Variants in KIF13A observed in about 807,000 individuals in gnomAD.
The protein encoded by KIF13A is kinesin-like protein KIF13A.
In KIF13A, 79 loss-of-function variants were observed where a neutral mutation model predicts 212.2. The observed-to-expected ratio is 0.37, with a 90% CI of 0.31 to 0.45. The LOEUF (loss-of-function observed/expected upper bound fraction) is 0.45, where lower values mean the gene tolerates loss of function less well. Ranked by LOEUF, KIF13A falls within the 20% of genes least tolerant of loss-of-function variation. The pLI, the probability that KIF13A is intolerant of heterozygous loss-of-function variation, is 1.00. For missense variants in KIF13A, 1,901 were observed against 2,209.0 expected (o/e 0.86, Z 2.79); for synonymous variants, 789 against 808.6 (o/e 0.98, Z 0.41).
chr6:17,788,505 C>T (rs544526175), intron 26 of KIF13A, among the ~76,000 whole-genome samples: 56 of 152,286 alleles, frequency 3.7e-4, no homozygotes, highest in Non-Finnish European at 6.9e-4. Flanking sequence ...CCAGGAAGCG[C>T]ACAAACAGCC....
rs1216547371 is a variant in KIF13A, at chr6:17,817,113, G to C, written c.1907C>G (p.Ser636Cys). Reference sequence around the variant, plus strand: ...GCTACTCTGTGGCTGCCTGTCGGGGGAGAGCTGCTGGCGGAGTTGCTCCAG... The same window carrying C: ...GCTACTCTGTGGCTGCCTGTCGGGGCAGAGCTGCTGGCGGAGTTGCTCCAG... ...RELEQLRQQL[S>C]PDRQPQSSGP... Residue 636 changes from serine (S) to cysteine (C), a missense_variant, in exon 17 of 39, where the codon TCC (serine) becomes TGC (cysteine). Physicochemically the swap from Ser to Cys is moderately radical, Grantham distance 112. Transcript: ENST00000259711. 6.2e-7 allele frequency: 1 copy of C among 1,614,014 alleles called. No individual in the cohort carries two copies. Among genetic ancestry groups the C allele is most frequent in the Admixed American group, 1.7e-5 (1 of 60,030 alleles).
intron 18 of KIF13A, among the ~76,000 whole-genome samples, chr6:17,807,907 G>A (rs548744408): frequency 3.9e-5 from 6 of 152,124 alleles, no homozygotes; most frequent in African/African-American, 7.2e-5. Context: ...TATTGTGGGC[G>A]GGTTCCCCTG....
intron 2 of KIF13A, among the ~76,000 whole-genome samples, chr6:17,977,292 A>T (rs1379770236): frequency 6.6e-6 from 1 of 152,146 alleles, no homozygotes; most frequent in Non-Finnish European, 1.5e-5. Context: ...CGTCTCTCAT[A>T]CTTAAATATG....
intron 4 of KIF13A, chr6:17,873,146 A>C (rs1054899104): frequency 2.3e-6 from 1 of 443,800 alleles, no homozygotes. Flanking sequence ...CAAGGAGGTC[A>C]GGTGAACAAT....
At chr6:17,767,159 T>C (rs1759065749) in intron 38 of KIF13A, among the ~76,000 whole-genome samples, 1 of 152,160 alleles carries the variant, frequency 6.6e-6, no homozygotes, top group South Asian at 2.1e-4. Context: ...GGCAGAATGT[T>C]GGAGAAGGAA....
chr6:17,913,251 C>T (rs972314835), intron 2 of KIF13A, among the ~76,000 whole-genome samples: 5 of 152,018 alleles, frequency 3.3e-5, no homozygotes, highest in Non-Finnish European at 7.3e-5. Flanking sequence ...GTAGCTGTTC[C>T]CAGGACGGAT....
chr6:17,908,949 G>A (rs1298233406), intron 2 of KIF13A, among the ~76,000 whole-genome samples: 2 of 152,138 alleles, frequency 1.3e-5, no homozygotes, highest in Non-Finnish European at 2.9e-5. Context: ...GTTGACCTTG[G>A]ACAAGTTTAC....
At chr6:17,932,391 G>A (rs1488524909) in intron 2 of KIF13A, among the ~76,000 whole-genome samples, 1 of 152,158 alleles carries the variant, frequency 6.6e-6, no homozygotes, top group Non-Finnish European at 1.5e-5. Flanking sequence ...CTAAAGCATT[G>A]CTGGCTGAAT....
chr6:17,862,039 C>T (rs1001737101), intron 4 of KIF13A, among the ~76,000 whole-genome samples: 1 of 152,132 alleles, frequency 6.6e-6, no homozygotes, highest in African/African-American at 2.4e-5. Flanking sequence ...ATTTTGGAGA[C>T]AGGATCTCGC....
chr6:17,793,905 C>T (rs1761817334), intron 25 of KIF13A, among the ~76,000 whole-genome samples: 1 of 151,516 alleles, frequency 6.6e-6, no homozygotes, highest in Non-Finnish European at 1.5e-5. Flanking sequence ...AAAGCAAAAC[C>T]CTATCTTTTA....
Position 17,947,619 on chromosome 6 carries a change from A to G in KIF13A, c.146+39435T>C, listed in dbSNP as rs569082294. Among the ~76,000 whole-genome samples the G allele has an allele frequency of 6.6e-6, 1 of 152,298 alleles. No homozygotes were observed. The highest frequency in any genetic ancestry group is 1.9e-4 in the East Asian group (1 of 5,178). ...CGAGGTGGGTGGATCACCTGAGGTCAGGAGTTTGAGACCAGCCGACCAGCC... is the reference window on the plus strand; with the variant it reads ...CGAGGTGGGTGGATCACCTGAGGTCGGGAGTTTGAGACCAGCCGACCAGCC... On this transcript the variant is annotated intron_variant, in intron 2 of 38. Transcript: ENST00000259711. This position sits in a 1 kb window ranked among gnomAD's most constrained non-coding sequence, Gnocchi z 4.6.
chr6:17,948,659 T>C (rs534097771), intron 2 of KIF13A, among the ~76,000 whole-genome samples: 47 of 148,590 alleles, frequency 3.2e-4, no homozygotes, highest in African/African-American at 1.2e-3. Flanking sequence ...GCCTCCAGGT[T>C]CAAGCGATTC....
chr6:17,814,616 G>T (rs1012664159), intron 17 of KIF13A, among the ~76,000 whole-genome samples: 6 of 151,854 alleles, frequency 4.0e-5, no homozygotes, highest in African/African-American at 1.5e-4. Flanking sequence ...AGAGAAAACT[G>T]GGTTCAAACT....
intron 3 of KIF13A, among the ~76,000 whole-genome samples, chr6:17,874,999 G>GCACACACACACACACACA (rs1554188630): frequency 2.5e-5 from 3 of 120,328 alleles, no homozygotes; most frequent in Admixed American, 8.3e-5. Flanking sequence ...ACACGCACAC[G>GCACACACACACACACACA]CACGCACACA....
chr6:17,773,472 C>A lies in KIF13A; in HGVS notation c.4324+6G>T, dbSNP rs116328220. 1.9e-5 allele frequency: 28 copies of A among 1,511,828 alleles called. No individual in the cohort carries two copies. The highest frequency in any genetic ancestry group is 2.3e-5 in the Non-Finnish European group (25 of 1,089,408). 93.7% of individuals were successfully genotyped at this position (1,511,828 alleles called of 1,614,324 possible). On this transcript the variant is annotated splice_donor_region_variant and intron_variant, in intron 36 of 38. Transcript: ENST00000259711. The surrounding 1 kb of genome is among the most constrained non-coding windows in gnomAD (Gnocchi z 4.2). ...AAATATCACTGCAAAATAATCTCACCACTACCTTCTTTATTCCTTCGAGGA... is the reference window on the plus strand; with the variant it reads ...AAATATCACTGCAAAATAATCTCACAACTACCTTCTTTATTCCTTCGAGGA...
chr6:17,903,414 A>G (rs1185644093), intron 2 of KIF13A, among the ~76,000 whole-genome samples: 1 of 152,244 alleles, frequency 6.6e-6, no homozygotes, highest in African/African-American at 2.4e-5. Context: ...TGGGATTTCC[A>G]TATTGCAACA....
chr6:17,982,391 T>C lies in KIF13A; in HGVS notation c.146+4663A>G, dbSNP rs12197529. The stretch of plus-strand genomic sequence containing the variant: ...GGGATTACAGATGTGAGCCACTGTG[T>C]CTGGCCCCCAGGATTTGGAGCATTT... On this transcript the variant is annotated intron_variant, in intron 2 of 38. Coordinates refer to ENST00000259711, the MANE Select transcript of KIF13A (RefSeq NM_022113.6). The surrounding 1 kb of genome is among the most constrained non-coding windows in gnomAD (Gnocchi z 5.1). 183,435 of 974,120 alleles carry C rather than the reference T, an allele frequency of 0.19. 18,653 individuals carry two copies. Among genetic ancestry groups the C allele is most frequent in the African/African-American group, 0.37 (21,226 of 56,894 alleles). The allele number at this position is 974,120 out of a possible 1,614,324, so 60.3% of individuals were successfully genotyped here. A position where few individuals can be genotyped will look rare whatever the true frequency, so the allele number is the denominator to read the frequency against.
rs746775691 is a variant in KIF13A at position 17,828,382 on chromosome 6, T to A, written c.1402-12A>T. 6.3e-7 allele frequency: 1 copy of A among 1,598,584 alleles called. No homozygotes were observed. Among genetic ancestry groups the A allele is most frequent in the South Asian group, 1.1e-5 (1 of 87,282 alleles). On this transcript the variant is annotated splice_polypyrimidine_tract_variant and intron_variant, in intron 13 of 38. Coordinates refer to ENST00000259711, the MANE Select transcript of KIF13A (RefSeq NM_022113.6). This position sits in a 1 kb window ranked among gnomAD's most constrained non-coding sequence, Gnocchi z 4.3. ...ACCCTGGTGTGATCCTAGTAAAAGATTATTAAGGAAAGAAAAACCCACATT... is the reference window on the plus strand; with the variant it reads ...ACCCTGGTGTGATCCTAGTAAAAGAATATTAAGGAAAGAAAAACCCACATT...
intron 12 of KIF13A, among the ~76,000 whole-genome samples, chr6:17,832,203 C>T (rs530074834): frequency 7.9e-4 from 120 of 152,080 alleles, no homozygotes; most frequent in African/African-American, 2.5e-3. Context: ...TAAAAATGTT[C>T]GTGAAATATA....
Sources: allele counts gnomAD v4.1 joint callset (sites outside exome capture counted in the v4.1 genomes callset), GRCh38; gene constraint gnomAD v4.1.1; non-coding constraint Gnocchi (gnomAD v3.1); transcripts MANE v1.5; gene names NCBI Gene and HGNC (gene_info 2026-07-23, HGNC 2026-07-21).